Variants in KAZN observed in about 807,000 individuals in gnomAD.
KAZN encodes kazrin, periplakin interacting protein.
A neutral mutation model predicts 87.4 loss-of-function variants in KAZN; 40 were observed. The ratio of observed to expected loss-of-function variants is 0.46; its 90% CI spans 0.36 to 0.60. The LOEUF (loss-of-function observed/expected upper bound fraction) is 0.60, where lower values mean the gene tolerates loss of function less well. Among genes scored for constraint, KAZN ranks in the 20% least tolerant of loss-of-function variants. The pLI, the probability that KAZN is intolerant of heterozygous loss-of-function variation, is 0.00. For missense variants in KAZN, 898 were observed against 1,073.9 expected, an observed-to-expected ratio of 0.84 and a Z score of 2.29; for synonymous variants, 466 against 458.3, an observed-to-expected ratio of 1.02 and a Z score of -0.22.
At position 14,905,972 on chromosome 1, in the gene KAZN, T is replaced by G. The variant is rs144784942; in HGVS notation, c.227-54712T>G. Reference sequence around the variant, plus strand: ...TCACGAGGTCAGGAGATCGAGGCCATCCTGGCCAACACGGTGAGACCCCGT... The same window carrying G: ...TCACGAGGTCAGGAGATCGAGGCCAGCCTGGCCAACACGGTGAGACCCCGT... On this transcript the variant is annotated intron_variant, in intron 1 of 14. Transcript: ENST00000376030. Among the ~76,000 whole-genome samples the G allele has an allele frequency of 9.2e-3, 1,390 of 150,796 alleles. 13 individuals are homozygous for G. Among genetic ancestry groups the G allele is most frequent in the Non-Finnish European group, 0.014 (959 of 67,834 alleles).
intron 1 of KAZN, among the ~76,000 whole-genome samples, chr1:14,726,909 T>G (rs773064032): frequency 6.6e-6 from 1 of 152,158 alleles, no homozygotes; most frequent in African/African-American, 2.4e-5. Flanking sequence ...AAGACAGCCC[T>G]GTTAGGTACA....
intron 1 of KAZN, among the ~76,000 whole-genome samples, chr1:14,872,934 G>GGATA (rs1202461779): frequency 1.1e-5 from 1 of 91,050 alleles, no homozygotes; most frequent in African/African-American, 3.2e-5. Flanking sequence ...ATGGATGGAT[G>GGATA]GATAGATGGA....
In KAZN at chr1:14,038,420, A is replaced by G. The variant is rs11799426; in HGVS notation, c.92-142015A>G. Among the ~76,000 whole-genome samples the G allele has an allele frequency of 7.9e-3, 1,197 of 152,332 alleles. 11 individuals are homozygous for G. The highest frequency in any genetic ancestry group is 0.027 in the African/African-American group (1,131 of 41,582). On this transcript the variant is annotated intron_variant, in intron 1 of 16. Transcript: ENST00000636203. ...AGCCCCCAGGTCAAAGGCCTTATGC[A>G]GGAACATCCTGCACATTTAAAGGAC...
At chr1:13,911,283 A>G (rs1223917794) in intron 1 of KAZN, among the ~76,000 whole-genome samples, 2 of 152,150 alleles carry the variant, frequency 1.3e-5, no homozygotes, top group Non-Finnish European at 2.9e-5. Context: ...TCCTGACCTC[A>G]GGTAATTCAC....
chr1:14,583,761 T>C (rs1315054415), intron 2 of KAZN, among the ~76,000 whole-genome samples: 1 of 152,202 alleles, frequency 6.6e-6, no homozygotes, highest in Admixed American at 6.5e-5. Context: ...GTATCCACTC[T>C]GCAGGCTAGG....
intron 1 of KAZN, among the ~76,000 whole-genome samples, chr1:14,145,359 G>C (rs185392027): frequency 1.3e-5 from 2 of 151,946 alleles, no homozygotes; most frequent in Non-Finnish European, 2.9e-5. Flanking sequence ...TGGGAGGATC[G>C]CTTGAGTCAA....
intron 2 of KAZN, among the ~76,000 whole-genome samples, chr1:14,997,750 G>A (rs569970423): frequency 4.1e-4 from 63 of 152,286 alleles, no homozygotes; most frequent in African/African-American, 1.5e-3. Context: ...AGGGTTCAGA[G>A]CCTCATGGCT....
intron 1 of KAZN, among the ~76,000 whole-genome samples, chr1:14,111,955 GTCT>G (rs1484480711): frequency 1.3e-5 from 2 of 151,964 alleles, no homozygotes; most frequent in Non-Finnish European, 2.9e-5. Flanking sequence ...GGTCAGGCTG[GTCT>G]TGAACTCCTG....
chr1:14,181,066 T>G (rs1156909052), intron 2 of KAZN, among the ~76,000 whole-genome samples: 4 of 152,226 alleles, frequency 2.6e-5, no homozygotes, highest in Non-Finnish European at 5.9e-5. Flanking sequence ...TTTAGCTCAT[T>G]GTAGGCTATT....
chr1:14,175,338 C>T (rs1217496122), intron 1 of KAZN, among the ~76,000 whole-genome samples: 1 of 152,170 alleles, frequency 6.6e-6, no homozygotes, highest in Non-Finnish European at 1.5e-5. Context: ...CTCCTGATCT[C>T]GTGATCCGCC....
intron 2 of KAZN, among the ~76,000 whole-genome samples, chr1:14,375,321 G>A (rs1409950982): frequency 6.6e-6 from 1 of 152,076 alleles, no homozygotes. Context: ...AGACACCTAG[G>A]CACTGTCTCT....
At chr1:14,785,736 A>G (rs1418969773) in intron 1 of KAZN, among the ~76,000 whole-genome samples, 1 of 152,204 alleles carries the variant, frequency 6.6e-6, no homozygotes, top group African/African-American at 2.4e-5. Flanking sequence ...TGAAGATTAA[A>G]TAATATACTT....
chr1:14,262,293 G>A (rs1426113396), intron 2 of KAZN, among the ~76,000 whole-genome samples: 1 of 152,096 alleles, frequency 6.6e-6, no homozygotes, highest in Non-Finnish European at 1.5e-5. Flanking sequence ...GACCATATAA[G>A]TGGTACATAG....
chr1:14,548,418 C>T (rs546852467), intron 2 of KAZN, among the ~76,000 whole-genome samples: 10 of 152,198 alleles, frequency 6.6e-5, no homozygotes, highest in African/African-American at 2.4e-4. Flanking sequence ...AGGCAGGTCT[C>T]GAACCCCTGA....
intron 2 of KAZN, among the ~76,000 whole-genome samples, chr1:14,471,005 A>G (rs1668425825): frequency 6.6e-6 from 1 of 152,212 alleles, no homozygotes; most frequent in African/African-American, 2.4e-5. Context: ...GCCAATGTCC[A>G]CATGAGTGAG....
At chr1:14,038,735 G>C (rs1461419684) in intron 1 of KAZN, among the ~76,000 whole-genome samples, 1 of 152,168 alleles carries the variant, frequency 6.6e-6, no homozygotes, top group Non-Finnish European at 1.5e-5. Context: ...GCTGCAGGGG[G>C]TTCAGGAATC....
chr1:14,963,181 G>A (rs1664084393), intron 2 of KAZN, among the ~76,000 whole-genome samples: 2 of 151,974 alleles, frequency 1.3e-5, no homozygotes, highest in African/African-American at 2.4e-5. Context: ...GCCCAGGGAC[G>A]CAGAGATCCA....
At chr1:14,069,926 T>G (rs1427834856) in intron 1 of KAZN, among the ~76,000 whole-genome samples, 3 of 151,812 alleles carry the variant, frequency 2.0e-5, no homozygotes. Context: ...ATCCCAGCAC[T>G]TTGGGAGGCT....
intron 2 of KAZN, among the ~76,000 whole-genome samples, chr1:14,364,762 G>A (rs1024217190): frequency 6.6e-6 from 1 of 152,212 alleles, no homozygotes; most frequent in African/African-American, 2.4e-5. Context: ...TTCATCTGAA[G>A]CTTCTAGGGA....
Sources: gnomAD v4.1 joint callset for allele counts (sites outside exome capture counted in the v4.1 genomes callset) on GRCh38, gnomAD v4.1.1 for gene constraint, MANE v1.5 for transcripts, NCBI Gene and HGNC (gene_info 2026-07-23, HGNC 2026-07-21) for gene names.